The following PXDNL variants were observed in gnomAD, a reference collection of about 807,000 sequenced individuals.
PXDNL encodes peroxidasin like, also known as probable oxidoreductase PXDNL.
In PXDNL, 145 loss-of-function variants were observed where a neutral mutation model predicts 150.8. The observed-to-expected ratio is 0.96, with a 90% CI of 0.84 to 1.10. The LOEUF is 1.10. PXDNL is among the 50% of genes least tolerant of loss of function. The pLI is 0.00. For missense variants in PXDNL, 2,087 were observed against 1,873.9 expected (o/e 1.11, Z -2.10); for synonymous variants, 757 against 725.7 (o/e 1.04, Z -0.69).
chr8:51,681,267 C>G (rs1472645811), intron 1 of PXDNL, among the ~76,000 whole-genome samples: 1 of 152,148 alleles, frequency 6.6e-6, no homozygotes, highest in Non-Finnish European at 1.5e-5. Flanking sequence ...CACCAGTCAC[C>G]CTACGGAAGT....
At chr8:51,723,640 C>T (rs1009329713) in intron 1 of PXDNL, among the ~76,000 whole-genome samples, 1 of 152,182 alleles carries the variant, frequency 6.6e-6, no homozygotes, top group African/African-American at 2.4e-5. Flanking sequence ...AGTTCAGGGT[C>T]CCTATGTGGC....
At chr8:51,373,180 T>C (rs1247992261) in intron 18 of PXDNL, among the ~76,000 whole-genome samples, 1 of 152,206 alleles carries the variant, frequency 6.6e-6, no homozygotes, top group East Asian at 1.9e-4. Context: ...TAACCCAGTA[T>C]GTCTGGTGTC....
intron 1 of PXDNL, among the ~76,000 whole-genome samples, chr8:51,746,920 G>A (rs1320705863): frequency 2.6e-5 from 4 of 151,674 alleles, no homozygotes; most frequent in Non-Finnish European, 5.9e-5. Context: ...ACAGGGTTTC[G>A]CCCTGTTGGC....
chr8:51,344,797 C>A (rs1005300938), intron 20 of PXDNL, among the ~76,000 whole-genome samples: 4 of 152,130 alleles, frequency 2.6e-5, no homozygotes, highest in Non-Finnish European at 5.9e-5. Context: ...GACAATAATC[C>A]TGTAAAGTAG....
intron 2 of PXDNL, among the ~76,000 whole-genome samples, chr8:51,647,281 C>T (rs1454752507): frequency 1.3e-5 from 2 of 152,016 alleles, no homozygotes; most frequent in African/African-American, 2.4e-5. Context: ...TTCCTGGCAT[C>T]CACCCCAGAA....
chr8:51,748,903 A>G (rs906828869), intron 1 of PXDNL, among the ~76,000 whole-genome samples: 3 of 152,222 alleles, frequency 2.0e-5, no homozygotes, highest in Non-Finnish European at 4.4e-5. Flanking sequence ...ACTAAAAATA[A>G]GCAGAATGCA....
In PXDNL at chr8:51,586,620, C is replaced by T. The variant is rs567671594; in HGVS notation, c.308+6007G>A. On this transcript the variant is annotated intron_variant, in intron 3 of 22. Transcript: ENST00000356297. ...ACATTCTTCAATGGCACTTACTTGC[C>T]TAATATTTCAAAAAAAATCTTTTTA... Among the ~76,000 whole-genome samples, 4 of 152,224 alleles carry T rather than the reference C, an allele frequency of 2.6e-5. No homozygotes were observed. The East Asian group carries it at 7.7e-4, about 29-fold the overall frequency.
chr8:51,592,755 TTA>T (rs1410901379), intron 2 of PXDNL, 57 bp from the exon 3 acceptor site: 4 of 1,267,386 alleles, frequency 3.2e-6, no homozygotes. Flanking sequence ...TCTGCAAACA[TTA>T]AAATAGTTCT....
chr8:51,467,976 A>G (rs906656512), intron 8 of PXDNL, among the ~76,000 whole-genome samples: 2 of 152,044 alleles, frequency 1.3e-5, no homozygotes, highest in African/African-American at 4.8e-5. Context: ...AATCTCTAAA[A>G]TTATCTTGAC....
chr8:51,436,301 G>A (rs558930526), intron 12 of PXDNL: 5 of 481,268 alleles, frequency 1.0e-5, no homozygotes, highest in Admixed American at 2.3e-5. Flanking sequence ...GTAGAAATAG[G>A]ACCTTGTTTT....
chr8:51,619,130 T>C (rs1814186964), intron 2 of PXDNL, among the ~76,000 whole-genome samples: 1 of 152,148 alleles, frequency 6.6e-6, no homozygotes, highest in African/African-American at 2.4e-5. Flanking sequence ...CCCTCAAGTC[T>C]AGCCATAATA....
At chr8:51,561,332 C>T (rs10113538) in intron 3 of PXDNL, among the ~76,000 whole-genome samples, 11,742 of 151,828 alleles carry the variant, frequency 0.077, 750 homozygotes, top group East Asian at 0.24. Context: ...CTCACATAGC[C>T]AAGAGGTGGA....
intron 1 of PXDNL, among the ~76,000 whole-genome samples, chr8:51,735,538 T>G (rs868222718): frequency 9.8e-4 from 108 of 109,774 alleles, no homozygotes; most frequent in African/African-American, 4.8e-3. Context: ...TTTTTTTTTT[T>G]TTTTTTTTTT....
At chr8:51,607,925 G>T (rs949143963) in intron 2 of PXDNL, among the ~76,000 whole-genome samples, 1 of 128,796 alleles carries the variant, frequency 7.8e-6, no homozygotes, top group Non-Finnish European at 1.6e-5. Flanking sequence ...AAGGAAGGAA[G>T]GAAAGAAAGA....
intron 2 of PXDNL, among the ~76,000 whole-genome samples, chr8:51,605,585 G>T (rs1229161773): frequency 6.6e-6 from 1 of 152,086 alleles, no homozygotes; most frequent in Non-Finnish European, 1.5e-5. Flanking sequence ...CGAAGATGAG[G>T]CTCTTAAATG....
intron 1 of PXDNL, among the ~76,000 whole-genome samples, chr8:51,787,369 A>C (rs2037469896): frequency 6.6e-6 from 1 of 152,226 alleles, no homozygotes; most frequent in Admixed American, 6.5e-5. Context: ...CTTCTGGAAA[A>C]GATTCACCAT....
intron 1 of PXDNL, among the ~76,000 whole-genome samples, chr8:51,714,204 A>G (rs781427567): frequency 1.3e-5 from 2 of 152,194 alleles, no homozygotes; most frequent in African/African-American, 4.8e-5. Context: ...TATATTTTTG[A>G]CTTAACAAAT....
chr8:51,670,237 A>T (rs1444477114), intron 1 of PXDNL, among the ~76,000 whole-genome samples: 1 of 151,384 alleles, frequency 6.6e-6, no homozygotes, highest in African/African-American at 2.4e-5. Flanking sequence ...ATTCCGTCTC[A>T]CACACACACA....
chr8:51,662,457 G>A (rs938605023), intron 1 of PXDNL, among the ~76,000 whole-genome samples: 2 of 152,194 alleles, frequency 1.3e-5, no homozygotes, highest in African/African-American at 4.8e-5. Context: ...GGTGGAGTGA[G>A]CTGAGATTGT....
Sources: allele counts gnomAD v4.1 joint callset (sites outside exome capture counted in the v4.1 genomes callset), GRCh38; gene constraint gnomAD v4.1.1; transcripts MANE v1.5; gene names NCBI Gene and HGNC (gene_info 2026-07-23, HGNC 2026-07-21).